PLA2G4A: variants seen among roughly 807,000 people sequenced by gnomAD.
PLA2G4A encodes phospholipase A2 group IVA.
A neutral mutation model predicts 81.9 loss-of-function variants in PLA2G4A; 40 were observed. The observed-to-expected ratio is 0.49, with a 90% CI of 0.38 to 0.64. PLA2G4A has a LOEUF of 0.64. Ranked by LOEUF, PLA2G4A falls within the 30% of genes least tolerant of loss-of-function variation. PLA2G4A has a pLI of 0.00. For synonymous variants in PLA2G4A, 302 were observed against 296.9 expected, an observed-to-expected ratio of 1.02 and a Z score of -0.18; for missense variants, 715 against 905.1, an observed-to-expected ratio of 0.79 and a Z score of 2.69.
chr1:186,891,497 C>T (rs1654143019), intron 3 of PLA2G4A, among the ~76,000 whole-genome samples: 1 of 152,062 alleles, frequency 6.6e-6, no homozygotes, highest in Admixed American at 6.6e-5. Flanking sequence ...CCTTCTGCCC[C>T]CTCCATGGGT....
chr1:186,972,876 A>G (rs1345725329), intron 15 of PLA2G4A, among the ~76,000 whole-genome samples: 1 of 152,174 alleles, frequency 6.6e-6, no homozygotes, highest in African/African-American at 2.4e-5. Context: ...AAAAACGGAA[A>G]AAGTATCTGT....
intron 14 of PLA2G4A, 61 bp downstream of exon 14, chr1:186,956,405 G>C: frequency 6.8e-7 from 1 of 1,469,590 alleles, no homozygotes. Context: ...CTTCTCTGGA[G>C]AGAAGCATTT....
intron 1 of PLA2G4A, among the ~76,000 whole-genome samples, chr1:186,835,260 T>C (rs1651737792): frequency 6.6e-6 from 1 of 152,184 alleles, no homozygotes; most frequent in South Asian, 2.1e-4. Flanking sequence ...TGGAAAAAAG[T>C]ATTTTTGCAG....
intron 1 of PLA2G4A, among the ~76,000 whole-genome samples, chr1:186,843,024 C>T (rs1462403332): frequency 6.6e-6 from 1 of 152,108 alleles, no homozygotes; most frequent in Non-Finnish European, 1.5e-5. Context: ...CCATGTTAAC[C>T]CAGATGACCT....
chr1:186,848,319 G>C (rs951348833), intron 1 of PLA2G4A, among the ~76,000 whole-genome samples: 1 of 152,048 alleles, frequency 6.6e-6, no homozygotes, highest in Non-Finnish European at 1.5e-5. Flanking sequence ...CTCTATTCTC[G>C]CTCTCTCTGC....
intron 14 of PLA2G4A, among the ~76,000 whole-genome samples, chr1:186,958,928 C>A (rs1656850264): frequency 6.6e-6 from 1 of 152,068 alleles, no homozygotes. Flanking sequence ...ATATATCATT[C>A]TTGCAGCATT....
In PLA2G4A at chr1:186,950,772, G is replaced by A. The variant is rs769882950; in HGVS notation, c.1336+44G>A. 8 of 981,486 alleles carry A rather than the reference G, an allele frequency of 8.2e-6. No homozygotes were observed. The Admixed American group carries it at 1.2e-4, about 15-fold the overall frequency. The allele number at this position is 981,486 out of a possible 1,614,324, so 60.8% of individuals were successfully genotyped here. ...TTTCTGGCCCAGATCCATGAGGAAA[G>A]GATATGAACACTCTGTCTGATTTTC... On this transcript the variant is annotated intron_variant, in intron 13 of 17. Transcript: ENST00000367466.
intron 14 of PLA2G4A, among the ~76,000 whole-genome samples, chr1:186,960,151 C>A (rs1270075899): frequency 2.0e-5 from 3 of 152,094 alleles, no homozygotes; most frequent in Admixed American, 1.3e-4. Context: ...TAGTTGTGTA[C>A]CTGTAGAAAC....
intron 7 of PLA2G4A, among the ~76,000 whole-genome samples, chr1:186,931,630 G>A (rs1655748659): frequency 6.6e-6 from 1 of 151,352 alleles, no homozygotes; most frequent in African/African-American, 2.4e-5. Context: ...GTTCTTATCT[G>A]GCTTCCTTAC....
At chr1:186,907,687 G>A (rs1190590924) in intron 6 of PLA2G4A, among the ~76,000 whole-genome samples, 2 of 152,160 alleles carry the variant, frequency 1.3e-5, no homozygotes, top group South Asian at 2.1e-4. Flanking sequence ...CAAATGCCAC[G>A]AAAACAAATT....
chr1:186,859,332 C>A (rs894254517), intron 2 of PLA2G4A, among the ~76,000 whole-genome samples: 3 of 152,132 alleles, frequency 2.0e-5, no homozygotes, highest in East Asian at 1.9e-4. Flanking sequence ...TTACGAGGTG[C>A]CTTCCAACCT....
At chr1:186,864,558 T>C (rs926187382) in intron 2 of PLA2G4A, among the ~76,000 whole-genome samples, 3 of 151,566 alleles carry the variant, frequency 2.0e-5, no homozygotes, top group African/African-American at 7.3e-5. Context: ...TAAGTGATGT[T>C]GAGCATTTTT....
rs138886403 is a variant in PLA2G4A, at chr1:186,855,418, G to A, written c.33+1031G>A. On this transcript the variant is annotated intron_variant, in intron 2 of 17. Transcript: ENST00000367466. The stretch of plus-strand genomic sequence containing the variant: ...TCTGACTCTCTTTTTTTAATAAATT[G>A]AGGTATAATATACATAAAGTGCATA... Among the ~76,000 whole-genome samples the A allele has an allele frequency of 1.7e-3, 262 of 151,772 alleles. 1 individual carries two copies. Among genetic ancestry groups the A allele is most frequent in the Non-Finnish European group, 2.1e-3 (142 of 67,916 alleles).
intron 2 of PLA2G4A, among the ~76,000 whole-genome samples, chr1:186,857,583 ATATAT>A (rs1292987328): frequency 2.8e-5 from 4 of 144,316 alleles, no homozygotes; most frequent in African/African-American, 5.1e-5. Flanking sequence ...TAAATATAAA[ATATAT>A]TATATATATT....
At chr1:186,868,978 A>G (rs1653141118) in intron 2 of PLA2G4A, among the ~76,000 whole-genome samples, 1 of 150,212 alleles carries the variant, frequency 6.7e-6, no homozygotes, top group Admixed American at 6.6e-5. Context: ...TGATTTTTTC[A>G]AAGAACCAAA....
intron 13 of PLA2G4A, among the ~76,000 whole-genome samples, chr1:186,953,044 G>A (rs1656619309): frequency 6.6e-6 from 1 of 152,160 alleles, no homozygotes; most frequent in South Asian, 2.1e-4. Context: ...ATGTTTTGGT[G>A]CAGACACAGA....
intron 3 of PLA2G4A, among the ~76,000 whole-genome samples, chr1:186,884,489 T>C (rs1203847951): frequency 1.3e-5 from 2 of 152,102 alleles, no homozygotes; most frequent in South Asian, 2.1e-4. Flanking sequence ...TAAGAACAAC[T>C]TAGGAAACAC....
chr1:186,972,416 G>A (rs960048128), intron 15 of PLA2G4A, among the ~76,000 whole-genome samples: 1 of 152,100 alleles, frequency 6.6e-6, no homozygotes, highest in African/African-American at 2.4e-5. Flanking sequence ...ACTCAAGCAT[G>A]CAAAATTAAG....
intron 1 of PLA2G4A, among the ~76,000 whole-genome samples, chr1:186,841,579 T>G (rs1651983389): frequency 6.6e-6 from 1 of 152,150 alleles, no homozygotes; most frequent in Non-Finnish European, 1.5e-5. Flanking sequence ...GCTTACAAAT[T>G]TGTACAATGA....
Sources: allele counts gnomAD v4.1 joint callset (sites outside exome capture counted in the v4.1 genomes callset), GRCh38; gene constraint gnomAD v4.1.1; transcripts MANE v1.5; gene names NCBI Gene and HGNC (gene_info 2026-07-23, HGNC 2026-07-21).